Variants in AUTS2 observed in about 807,000 individuals in gnomAD.
AUTS2 encodes activator of transcription and developmental regulator AUTS2.
A neutral mutation model predicts 112.4 loss-of-function variants in AUTS2; 17 were observed. The ratio of observed to expected loss-of-function variants is 0.15; its 90% CI spans 0.10 to 0.23. The LOEUF (loss-of-function observed/expected upper bound fraction) is 0.23. Ranked by LOEUF, AUTS2 falls within the 10% of genes least tolerant of loss-of-function variation. The pLI is 1.00. For synonymous variants in AUTS2, 751 were observed against 702.7 expected, an observed-to-expected ratio of 1.07 and a Z score of -1.09; for missense variants, 1,510 against 1,701.6, an observed-to-expected ratio of 0.89 and a Z score of 1.98.
intron 1 of AUTS2, among the ~76,000 whole-genome samples, chr7:69,896,454 A>T (rs532103372): frequency 1.4e-4 from 21 of 151,702 alleles, no homozygotes; most frequent in African/African-American, 4.8e-4. Context: ...ATATCTTCTT[A>T]CTCTTAAGGA....
At chr7:69,983,185 G>T (rs781348687) in intron 2 of AUTS2, among the ~76,000 whole-genome samples, 3 of 152,034 alleles carry the variant, frequency 2.0e-5, no homozygotes, top group Admixed American at 6.6e-5. Context: ...TACAACATTT[G>T]CCCTTACTGC....
At chr7:70,061,559 G>T (rs1377497027) in intron 2 of AUTS2, among the ~76,000 whole-genome samples, 1 of 152,076 alleles carries the variant, frequency 6.6e-6, no homozygotes, top group East Asian at 1.9e-4. Flanking sequence ...TCCCTTGACT[G>T]TTGGTAGCTT....
In AUTS2 at chr7:70,781,773, G is replaced by T. The variant is rs1563195674; in HGVS notation, c.2146+17G>T. 1.2e-6 allele frequency: 2 copies of T among 1,612,890 alleles called. No individual in the cohort carries two copies. The highest frequency in any genetic ancestry group is 2.2e-5 in the East Asian group (1 of 44,864). On this transcript the variant is annotated intron_variant, in intron 15 of 18. Coordinates refer to ENST00000342771, the MANE Select transcript of AUTS2 (RefSeq NM_015570.4). ...CTGCCGCTGGTGAGTGTGGGTTTGG[G>T]TGGGGGGACAGAGCTGAGAAATGTA...
intron 5 of AUTS2, among the ~76,000 whole-genome samples, chr7:70,591,384 C>CTTTGTTTGTTTG (rs55794656): frequency 0.012 from 1,806 of 150,366 alleles, 13 homozygotes; most frequent in Admixed American, 0.013. Context: ...TTTACCCAGT[C>CTTTGTTTGTTTG]TTTGTTTGTT....
At chr7:70,088,915 C>T (rs1182359581) in intron 2 of AUTS2, among the ~76,000 whole-genome samples, 2 of 152,082 alleles carry the variant, frequency 1.3e-5, no homozygotes, top group Non-Finnish European at 2.9e-5. Context: ...ATTTTAGGTT[C>T]ATCCCACACA....
chr7:70,364,631 T>C (rs979014820), intron 4 of AUTS2, among the ~76,000 whole-genome samples: 12 of 150,440 alleles, frequency 8.0e-5, no homozygotes, highest in Admixed American at 3.3e-4. Flanking sequence ...TAAAAAGGGC[T>C]CAAAAGTCCT....
chr7:70,514,788 C>G (rs1018624607), intron 5 of AUTS2, among the ~76,000 whole-genome samples: 1 of 152,180 alleles, frequency 6.6e-6, no homozygotes, highest in South Asian at 2.1e-4. Flanking sequence ...TTCCCTTTCA[C>G]CATATCTTGC....
Position 70,652,413 on chromosome 7 carries a change from T to A in AUTS2, c.691-46156T>A, listed in dbSNP as rs536402774. Among the ~76,000 whole-genome samples, 141 of 152,234 alleles carry A rather than the reference T, an allele frequency of 9.3e-4. 3 individuals are homozygous for A. In the South Asian group the frequency reaches 0.029, roughly 31 times the overall value. ...TGTAAAAATGGAATTTACTTGGCAGTTAGAGGGAAAAGAATTGACATTATC... is the reference window on the plus strand; with the variant it reads ...TGTAAAAATGGAATTTACTTGGCAGATAGAGGGAAAAGAATTGACATTATC... On this transcript the variant is annotated intron_variant, in intron 5 of 18. Coordinates refer to ENST00000342771, the MANE Select transcript of AUTS2 (RefSeq NM_015570.4).
chr7:69,825,824 G>T (rs1791216893), intron 1 of AUTS2: 1 of 152,186 alleles, frequency 6.6e-6, no homozygotes, highest in East Asian at 1.9e-4. Context: ...GCATAAAACT[G>T]ATCCTTGGTT....
At chr7:70,110,471 G>A (rs58849135) in intron 2 of AUTS2, among the ~76,000 whole-genome samples, 38,384 of 152,058 alleles carry the variant, frequency 0.25, 4,848 homozygotes, top group Middle Eastern at 0.33. Context: ...AGCCGAGATC[G>A]CGCCATTGGA....
intron 4 of AUTS2, among the ~76,000 whole-genome samples, chr7:70,265,658 G>A (rs1293619858): frequency 6.6e-6 from 1 of 152,176 alleles, no homozygotes; most frequent in African/African-American, 2.4e-5. Flanking sequence ...GGTGGAAGGA[G>A]GGGAATGAGG....
At chr7:69,922,400 G>A (rs1445970059) in intron 2 of AUTS2, among the ~76,000 whole-genome samples, 1 of 152,224 alleles carries the variant, frequency 6.6e-6, no homozygotes, top group African/African-American at 2.4e-5. Context: ...CAGGTAGCAC[G>A]AGATTGACTT....
intron 1 of AUTS2, among the ~76,000 whole-genome samples, chr7:69,677,811 C>T (rs1796622317): frequency 6.6e-6 from 1 of 152,096 alleles, no homozygotes; most frequent in African/African-American, 2.4e-5. Flanking sequence ...TTTTAAGCAC[C>T]AAAAGCAAAC....
Position 69,655,915 on chromosome 7 carries a change from G to A in AUTS2, c.309+55953G>A, listed in dbSNP as rs144073303. On this transcript the variant is annotated intron_variant, in intron 1 of 18. Coordinates refer to ENST00000342771, the MANE Select transcript of AUTS2 (RefSeq NM_015570.4). ...GCAGTCAGCCCTGCTAGGCCCACAA[G>A]TTGTATGGGGCAGAGGAGAAGAGGC... Among the ~76,000 whole-genome samples, 1,006 of 152,314 alleles carry A rather than the reference G, an allele frequency of 6.6e-3. 3 individuals carry two copies. Among genetic ancestry groups the A allele is most frequent in the Non-Finnish European group, 0.011 (761 of 68,020 alleles).
chr7:70,712,819 C>G (rs1810133660), intron 6 of AUTS2, among the ~76,000 whole-genome samples: 1 of 152,122 alleles, frequency 6.6e-6, no homozygotes, highest in African/African-American at 2.4e-5. Flanking sequence ...GAGTCTCAAT[C>G]TGTCGGCCAG....
chr7:70,183,623 G>A (rs1035843287), intron 4 of AUTS2, among the ~76,000 whole-genome samples: 5 of 152,146 alleles, frequency 3.3e-5, no homozygotes, highest in Admixed American at 3.3e-4. Context: ...CGGGGAGCTG[G>A]TTAATTCCCT....
At chr7:69,946,489 T>G (rs1796814892) in intron 2 of AUTS2, among the ~76,000 whole-genome samples, 1 of 151,788 alleles carries the variant, frequency 6.6e-6, no homozygotes, top group Non-Finnish European at 1.5e-5. Context: ...TTATTCATAA[T>G]AGTCAAGACG....
intron 2 of AUTS2, among the ~76,000 whole-genome samples, chr7:70,093,991 A>T (rs1479455469): frequency 1.3e-5 from 2 of 152,054 alleles, no homozygotes; most frequent in Non-Finnish European, 2.9e-5. Context: ...TTGTGATTTG[A>T]CTCACTTTAG....
intron 4 of AUTS2, among the ~76,000 whole-genome samples, chr7:70,191,696 A>G (rs1562777227): frequency 6.6e-6 from 1 of 152,232 alleles, no homozygotes; most frequent in Non-Finnish European, 1.5e-5. Flanking sequence ...CCCCATGTGA[A>G]TAAATGCAAC....
Sources: allele counts gnomAD v4.1 joint callset (sites outside exome capture counted in the v4.1 genomes callset), GRCh38; gene constraint gnomAD v4.1.1; transcripts MANE v1.5; gene names NCBI Gene and HGNC (gene_info 2026-07-23, HGNC 2026-07-21).